The following CCDC141 variants were observed in gnomAD, a reference collection of about 807,000 sequenced individuals.
CCDC141 encodes coiled-coil domain-containing protein 141.
Under a neutral mutation model 181.0 loss-of-function variants are expected in CCDC141, and 168 were observed. The ratio of observed to expected loss-of-function variants is 0.93; its 90% CI spans 0.82 to 1.05. The LOEUF (loss-of-function observed/expected upper bound fraction) is 1.05, where lower values mean the gene tolerates loss of function less well. CCDC141 is among the 50% of genes least tolerant of loss of function. The probability of loss-of-function intolerance (pLI) is 0.00; values close to 1 mark genes in which losing one functional copy is unlikely to be tolerated. For synonymous variants in CCDC141, 666 were observed against 642.3 expected, an observed-to-expected ratio of 1.04 and a Z score of -0.56; for missense variants, 1,902 against 1,788.5, an observed-to-expected ratio of 1.06 and a Z score of -1.14.
intron 12 of CCDC141, chr2:178,873,987 C>T (rs2154369430): frequency 6.6e-6 from 1 of 152,252 alleles, no homozygotes; most frequent in Admixed American, 6.5e-5. Context: ...ATCAGTTTCT[C>T]TGATCTTAAT....
chr2:179,028,330 T>A (rs1204978414), intron 2 of CCDC141, among the ~76,000 whole-genome samples: 3 of 152,220 alleles, frequency 2.0e-5, no homozygotes, highest in Non-Finnish European at 4.4e-5. Flanking sequence ...AAGTGCAGTC[T>A]GCTCATTTCC....
At chr2:179,021,513 T>C (rs897830916) in intron 2 of CCDC141, among the ~76,000 whole-genome samples, 3 of 152,190 alleles carry the variant, frequency 2.0e-5, no homozygotes, top group Admixed American at 2.0e-4. Context: ...AACTGAAAGC[T>C]AGACCACAGC....
At chr2:178,855,925 A>G (rs1685365277) in intron 18 of CCDC141, among the ~76,000 whole-genome samples, 1 of 152,208 alleles carries the variant, frequency 6.6e-6, no homozygotes, top group African/African-American at 2.4e-5. Context: ...AGCAAAACTG[A>G]TGACATAGAT....
chr2:179,005,628 CTTTCTTTTCT>C (rs879568835), intron 2 of CCDC141, among the ~76,000 whole-genome samples: 2 of 151,876 alleles, frequency 1.3e-5, no homozygotes, highest in African/African-American at 4.8e-5. Flanking sequence ...GTGTTTCTTT[CTTTCTTTTCT>C]TTTCTTTTCT....
chr2:178,935,399 T>A (rs1689245874), intron 6 of CCDC141, among the ~76,000 whole-genome samples: 1 of 152,204 alleles, frequency 6.6e-6, no homozygotes, highest in Admixed American at 6.5e-5. Context: ...CCTGCATTAG[T>A]TTGCTAAGGA....
Position 178,834,377 on chromosome 2 carries a change from C to T in CCDC141, c.4389G>A (p.Arg1463=), listed in dbSNP as rs866780379. The change falls in exon 24 of 24, where the codon AGG becomes AGA. Residue 1463 remains arginine (R), a synonymous_variant. Coordinates refer to ENST00000443758, the MANE Select transcript of CCDC141 (RefSeq NM_173648.4). ...ATACCTTTGGAATGAACACCGAATG[C>T]CTTGTCTCCTTGTGTAAAACCTGTA... ...GHLQVLHKET[R]HSVFIPKVCK... 1 of 1,536,358 alleles carries T rather than the reference C, an allele frequency of 6.5e-7. No homozygotes were observed. The highest frequency in any genetic ancestry group is 8.7e-7 in the Non-Finnish European group (1 of 1,146,890).
chr2:178,918,621 G>T, intron 7 of CCDC141, 92 bp downstream of exon 7: 1 of 1,021,262 alleles, frequency 9.8e-7, no homozygotes, highest in South Asian at 2.0e-5. Context: ...ATGGCGTTTT[G>T]ACTTCTGTGA....
chr2:178,964,244 T>C (rs1402958710), intron 4 of CCDC141, among the ~76,000 whole-genome samples: 3 of 152,112 alleles, frequency 2.0e-5, no homozygotes, highest in East Asian at 1.9e-4. Flanking sequence ...TGTTATGATA[T>C]TGTGAACAGC....
At position 178,837,541 on chromosome 2, in the gene CCDC141, A is replaced by G. The variant is rs1032283; in HGVS notation, c.3678T>C (p.Pro1226=). ...LPPLPGSPES[P]LAPSDMEVEE... Reference sequence around the variant, plus strand: ...CCACCTCCATGTCAGATGGTGCAAGAGGGGACTCAGGGCTTCCTGGGAGAG... The same window carrying G: ...CCACCTCCATGTCAGATGGTGCAAGGGGGGACTCAGGGCTTCCTGGGAGAG... The change falls in exon 23 of 24, where the codon CCT becomes CCC. Residue 1226 remains proline (P), a synonymous_variant. Coordinates refer to ENST00000443758, the MANE Select transcript of CCDC141 (RefSeq NM_173648.4). The G allele has an allele frequency of 1, 1,610,826 of 1,613,980 alleles. 803,902 individuals carry two copies. The highest frequency in any genetic ancestry group is 1 in the East Asian group (44,824 of 44,824).
chr2:178,947,400 G>A (rs904219473), intron 5 of CCDC141, among the ~76,000 whole-genome samples: 2 of 152,140 alleles, frequency 1.3e-5, no homozygotes, highest in Admixed American at 6.6e-5. Context: ...AAAAGTATTC[G>A]AAGTATGCAC....
Position 178,845,620 on chromosome 2 carries a change from C to G in CCDC141, c.3474+6G>C. The G allele has an allele frequency of 6.6e-7, 1 of 1,522,612 alleles. No individual in the cohort carries two copies. The highest frequency in any genetic ancestry group is 9.1e-7 in the Non-Finnish European group (1 of 1,097,302). The allele number at this position is 1,522,612 out of a possible 1,614,324, so 94.3% of individuals were successfully genotyped here. A position where few individuals can be genotyped will look rare whatever the true frequency, so the allele number is the denominator to read the frequency against. ...TCAATAGCTGAGGTTAAGTAGTTTTCTTTACCTTATTCCTTTCTTCATTGA... is the reference window on the plus strand; with the variant it reads ...TCAATAGCTGAGGTTAAGTAGTTTTGTTTACCTTATTCCTTTCTTCATTGA... On this transcript the variant is annotated splice_donor_region_variant and intron_variant, in intron 22 of 23. Transcript: ENST00000443758.
At chr2:178,849,699 C>A (rs1685084265) in intron 21 of CCDC141, among the ~76,000 whole-genome samples, 2 of 152,080 alleles carry the variant, frequency 1.3e-5, no homozygotes, top group South Asian at 4.2e-4. Flanking sequence ...GAAAAAAAAA[C>A]CCTGGCATCT....
At chr2:179,015,338 T>TCATATATGTATCATACATATCC (rs1559049397) in intron 2 of CCDC141, among the ~76,000 whole-genome samples, 26 of 117,850 alleles carry the variant, frequency 2.2e-4, no homozygotes, top group East Asian at 5.3e-4. Context: ...CATACATATC[T>TCATATATGTATCATACATATCC]CATATATGTA....
At position 178,934,303 on chromosome 2, in the gene CCDC141, C is replaced by A. The variant is rs140504527; in HGVS notation, c.897+10232G>T. On this transcript the variant is annotated intron_variant, in intron 6 of 23. Transcript: ENST00000443758. Reference sequence around the variant, plus strand: ...AAGAGAAGGACTGATTATGCCTTCTCAAAAAAAATAATTAGCAAGTATTTG... The same window carrying A: ...AAGAGAAGGACTGATTATGCCTTCTAAAAAAAAATAATTAGCAAGTATTTG... Among the ~76,000 whole-genome samples the A allele has an allele frequency of 1.9e-3, 284 of 151,688 alleles. 1 individual carries two copies. Among genetic ancestry groups the A allele is most frequent in the African/African-American group, 6.6e-3 (275 of 41,408 alleles).
intron 5 of CCDC141, among the ~76,000 whole-genome samples, chr2:178,959,129 A>T (rs1413935887): frequency 1.4e-5 from 2 of 147,664 alleles, no homozygotes; most frequent in Non-Finnish European, 3.0e-5. Context: ...AAGATCACAC[A>T]CTGGGGCCTG....
At chr2:179,042,245 C>G (rs528451346) in intron 2 of CCDC141, among the ~76,000 whole-genome samples, 1 of 152,234 alleles carries the variant, frequency 6.6e-6, no homozygotes, top group Non-Finnish European at 1.5e-5. Context: ...AATTAGAAGT[C>G]AAGATTAAGA....
intron 8 of CCDC141, among the ~76,000 whole-genome samples, chr2:178,902,174 T>C (rs190596774): frequency 3.3e-5 from 5 of 152,216 alleles, no homozygotes; most frequent in Admixed American, 6.5e-5. Flanking sequence ...AAAATGGCCA[T>C]AGTGCCCAAG....
Position 178,832,116 on chromosome 2 carries a change from G to A in CCDC141, c.*2057C>T, listed in dbSNP as rs1010916149. ...GTGGGAAGAGAGACAGTTTGTTACC[G>A]GGTCTCACCTGCCTTCTTTGTTCAT... On this transcript the variant is annotated 3_prime_UTR_variant, in exon 24 of 24. Coordinates refer to ENST00000443758, the MANE Select transcript of CCDC141 (RefSeq NM_173648.4). 22 of 152,090 alleles carry A rather than the reference G, an allele frequency of 1.4e-4. No homozygotes were observed. Among genetic ancestry groups the A allele is most frequent in the African/African-American group, 4.3e-4 (18 of 41,412 alleles). 9.4% of individuals were successfully genotyped at this position (152,090 alleles called of 1,614,324 possible).
intron 14 of CCDC141, among the ~76,000 whole-genome samples, chr2:178,869,829 A>C (rs956112486): frequency 6.6e-6 from 1 of 152,218 alleles, no homozygotes; most frequent in African/African-American, 2.4e-5. Flanking sequence ...ATGATCCACA[A>C]ATAGCCATCA....
Sources: allele counts gnomAD v4.1 joint callset (sites outside exome capture counted in the v4.1 genomes callset), GRCh38; gene constraint gnomAD v4.1.1; transcripts MANE v1.5; gene names NCBI Gene and HGNC (gene_info 2026-07-23, HGNC 2026-07-21).